The following NF1 variants were observed in gnomAD, a reference collection of about 807,000 sequenced individuals.
The protein encoded by NF1 is neurofibromin.
NF1 carries 122 observed loss-of-function variants against 325.7 expected under a neutral mutation model. The ratio of observed to expected loss-of-function variants is 0.37; its 90% CI spans 0.32 to 0.44. The LOEUF is 0.44. NF1 is among the 20% of genes least tolerant of loss of function. The probability of loss-of-function intolerance (pLI) is 1.00; values close to 1 mark genes in which losing one functional copy is unlikely to be tolerated. For missense variants in NF1, 2,140 were observed against 3,415.4 expected (o/e 0.63, Z 9.31); for synonymous variants, 1,091 against 1,186.0 (o/e 0.92, Z 1.65).
intron 39 of NF1, among the ~76,000 whole-genome samples, chr17:31,334,475 T>TA (rs2069589565): frequency 6.6e-6 from 1 of 152,210 alleles, no homozygotes; most frequent in African/African-American, 2.4e-5. Flanking sequence ...GATGAGATGA[T>TA]ACACCAATGT....
At chr17:31,255,089 C>T (rs1218809813) in intron 31 of NF1, among the ~76,000 whole-genome samples, 1 of 152,106 alleles carries the variant, frequency 6.6e-6, no homozygotes, top group Admixed American at 6.5e-5. Context: ...TTATTATTCT[C>T]AAATATATAG....
chr17:31,262,884 A>C (rs2067709200), intron 35 of NF1, among the ~76,000 whole-genome samples: 1 of 152,148 alleles, frequency 6.6e-6, no homozygotes, highest in African/African-American at 2.4e-5. Context: ...TACTACAAAA[A>C]TATAATACTA....
intron 23 of NF1, 72 bp from the exon 24 acceptor site, chr17:31,230,770 T>TA (rs2067099587): frequency 8.6e-7 from 1 of 1,161,380 alleles, no homozygotes; most frequent in Non-Finnish European, 1.3e-6. Flanking sequence ...TAAGAAATCT[T>TA]ACGTGACTAA....
At chr17:31,187,131 C>T (rs569244600) in intron 8 of NF1, among the ~76,000 whole-genome samples, 1 of 152,318 alleles carries the variant, frequency 6.6e-6, no homozygotes, top group South Asian at 2.1e-4. Flanking sequence ...AGCATTGCCT[C>T]TGACCAAGGC....
chr17:31,268,324 T>C (rs540360008), intron 36 of NF1, among the ~76,000 whole-genome samples: 83 of 152,202 alleles, frequency 5.5e-4, no homozygotes, highest in African/African-American at 2.0e-3. Flanking sequence ...CCAGCAGTCA[T>C]GTGATTCAAA....
intron 57 of NF1, chr17:31,362,431 A>C: frequency 1.0e-5 from 8 of 802,116 alleles, no homozygotes; most frequent in Non-Finnish European, 1.2e-5. Context: ...GAGCTGGGTT[A>C]ACTGCTTTAT....
At chr17:31,369,915 A>G (rs1003936490) in intron 57 of NF1, among the ~76,000 whole-genome samples, 1 of 152,228 alleles carries the variant, frequency 6.6e-6, no homozygotes, top group Non-Finnish European at 1.5e-5. Flanking sequence ...AGAAACTTAA[A>G]TGCCAGAACT....
chr17:31,188,476 G>T (rs1291594635), intron 8 of NF1, among the ~76,000 whole-genome samples: 1 of 152,176 alleles, frequency 6.6e-6, no homozygotes, highest in East Asian at 1.9e-4. Flanking sequence ...AAGGATAATT[G>T]TATTATGTTA....
chr17:31,308,190 T>C (rs1416491626), intron 36 of NF1, among the ~76,000 whole-genome samples: 2 of 151,782 alleles, frequency 1.3e-5, no homozygotes, highest in African/African-American at 4.8e-5. Context: ...CAGGCTGGAG[T>C]GCAGTGGCAT....
Position 31,293,178 on chromosome 17 carries a change from C to CA in NF1, c.4835+27872dup, listed in dbSNP as rs71142044. ...GGGGGATAAGAGCGAGACTTCGTCT[C>CA]AAAAAAAAAAAAAAAAAAAAAAAAA... is the stretch of plus-strand genomic sequence containing the variant. On this transcript the variant is annotated intron_variant, in intron 36 of 57. Transcript: ENST00000358273. 3.5e-4 allele frequency among the ~76,000 whole-genome samples: 23 copies of CA among 64,880 alleles called. 1 individual carries two copies. The highest frequency in any genetic ancestry group is 2.5e-3 in the East Asian group (5 of 1,984). 42.6% of individuals were successfully genotyped at this position (64,880 alleles called of 152,430 possible).
At chr17:31,104,804 G>A (rs1044004452) in intron 1 of NF1, among the ~76,000 whole-genome samples, 4 of 152,048 alleles carry the variant, frequency 2.6e-5, no homozygotes, top group East Asian at 1.9e-4. Context: ...TAGTACCCTC[G>A]CTAAATTCTC....
chr17:31,221,887 T>G lies in NF1; in HGVS notation c.1679T>G (p.Leu560Trp). The G allele has an allele frequency of 6.2e-7, 1 of 1,607,036 alleles. No individual in the cohort carries two copies. Among genetic ancestry groups the G allele is most frequent in the Non-Finnish European group, 8.5e-7 (1 of 1,179,108 alleles). ...LVLHQLDSID[L>W]WNPDAPVETF... ...CTTCATCAGTTAGATAGCATTGATTTGTGGAATCCTGATGCTCCTGTAGAA... is the reference window on the plus strand; with the variant it reads ...CTTCATCAGTTAGATAGCATTGATTGGTGGAATCCTGATGCTCCTGTAGAA... Residue 560 changes from leucine to tryptophan, a missense_variant, in exon 15 of 58, where the codon TTG (leucine) becomes TGG (tryptophan). Physicochemically the swap from Leu to Trp is moderately conservative, Grantham distance 61. Coordinates refer to ENST00000358273, the MANE Select transcript of NF1 (RefSeq NM_001042492.3).
chr17:31,294,831 A>T, intron 36 of NF1: 1 of 737,962 alleles, frequency 1.4e-6, no homozygotes, highest in Admixed American at 2.3e-5. Context: ...AAGTACCAAG[A>T]CATTGTGCAT....
chr17:31,287,872 A>G (rs1384976248), intron 36 of NF1, among the ~76,000 whole-genome samples: 2 of 142,252 alleles, frequency 1.4e-5, no homozygotes, highest in Admixed American at 7.5e-5. Context: ...ATAGGTGGGA[A>G]TTGAACAATG....
chr17:31,244,615 T>A (rs2067359024), intron 29 of NF1, among the ~76,000 whole-genome samples: 1 of 152,074 alleles, frequency 6.6e-6, no homozygotes, highest in South Asian at 2.1e-4. Context: ...TAATGCAAAG[T>A]CCCATAATCA....
intron 1 of NF1, among the ~76,000 whole-genome samples, chr17:31,149,067 C>T (rs184207045): frequency 4.0e-5 from 6 of 151,064 alleles, no homozygotes; most frequent in Admixed American, 3.9e-4. Flanking sequence ...CCTCCCTCTT[C>T]TTAGATGAAT....
intron 3 of NF1, among the ~76,000 whole-genome samples, chr17:31,161,906 CAT>C (rs1315936912): frequency 2.0e-5 from 3 of 151,592 alleles, no homozygotes; most frequent in African/African-American, 7.3e-5. Flanking sequence ...TGTGGTGGCA[CAT>C]GTCTGTAGTC....
chr17:31,352,107 A>G (rs1001129184), intron 50 of NF1, 150 bp from the exon 51 acceptor site: 13 of 702,318 alleles, frequency 1.9e-5, no homozygotes, highest in South Asian at 1.8e-4. Context: ...GGATACACCA[A>G]GAGTTTGTAT....
chr17:31,095,199 C>G lies in NF1; in HGVS notation c.-111C>G, dbSNP rs1385975552. ...GGGAACACTGGGAGCCTGCACTCCA[C>G]AGACCCTCTCCTTGCCTCTTCCCTC... On this transcript the variant is annotated 5_prime_UTR_variant, in exon 1 of 58. Coordinates refer to ENST00000358273, the MANE Select transcript of NF1 (RefSeq NM_001042492.3). 9.9e-7 allele frequency: 1 copy of G among 1,007,096 alleles called. No individual in the cohort carries two copies. The highest frequency in any genetic ancestry group is 1.5e-6 in the Non-Finnish European group (1 of 665,948). The allele number at this position is 1,007,096 out of a possible 1,614,324, so 62.4% of individuals were successfully genotyped here. A position where few individuals can be genotyped will look rare whatever the true frequency, so the allele number is the denominator to read the frequency against.
Sources: gnomAD v4.1 joint callset for allele counts (sites outside exome capture counted in the v4.1 genomes callset) on GRCh38, gnomAD v4.1.1 for gene constraint, MANE v1.5 for transcripts, NCBI Gene and HGNC (gene_info 2026-07-23, HGNC 2026-07-21) for gene names.